The following F13A1 variants were observed in gnomAD, a reference collection of about 807,000 sequenced individuals.
The protein encoded by F13A1 is coagulation factor XIII A chain, also known as FSF, A subunit.
F13A1 carries 47 observed loss-of-function variants against 80.1 expected under a neutral mutation model. That is an observed-to-expected ratio of 0.59 (90% CI 0.46 to 0.75). F13A1 has a LOEUF of 0.75. Ranked by LOEUF, F13A1 falls within the 30% of genes least tolerant of loss-of-function variation. F13A1 has a pLI of 0.00. For missense variants in F13A1, 817 were observed against 930.4 expected, an observed-to-expected ratio of 0.88 and a Z score of 1.59; for synonymous variants, 349 against 344.9, an observed-to-expected ratio of 1.01 and a Z score of -0.13.
rs774479105 is a variant in F13A1, at chr6:6,248,357, A to G, written c.753T>C (p.Ser251=). The G allele has an allele frequency of 5.3e-5, 86 of 1,613,820 alleles. No individual in the cohort carries two copies. The Middle Eastern group carries it at 1.2e-3, about 22-fold the overall frequency. The change falls in exon 6 of 15, where the codon TCT becomes TCC. Residue 251 remains serine (S), a synonymous_variant. Transcript: ENST00000264870. ...TGACTTTGATGGGATTCCCTCTTCC[A>G]GAGAGGTCCATTTGTGCTCTGTCCA... ...YVMDRAQMDL[S]GRGNPIKVSR...
At chr6:6,268,540 C>A (rs565798976) in intron 3 of F13A1, among the ~76,000 whole-genome samples, 1 of 152,288 alleles carries the variant, frequency 6.6e-6, no homozygotes, top group East Asian at 1.9e-4. Context: ...ACTACTGGTG[C>A]AACTTCAGGC....
intron 11 of F13A1, among the ~76,000 whole-genome samples, chr6:6,177,529 A>G (rs1760902839): frequency 6.6e-6 from 1 of 152,198 alleles, no homozygotes; most frequent in African/African-American, 2.4e-5. Context: ...AGGTTTGGAG[A>G]AGCATTTTGC....
chr6:6,195,941 T>A (rs1324773755), intron 9 of F13A1, 56 bp from the exon 10 acceptor site: 5 of 1,489,272 alleles, frequency 3.4e-6, no homozygotes, highest in East Asian at 4.5e-5. Context: ...TCTGTCCAGA[T>A]ACTGCAAGAT....
chr6:6,279,333 A>C (rs1583107854), intron 3 of F13A1, among the ~76,000 whole-genome samples: 1 of 152,188 alleles, frequency 6.6e-6, no homozygotes, highest in Admixed American at 6.5e-5. Context: ...GAGAAATAGG[A>C]TGTTGGTGTC....
chr6:6,298,887 T>C (rs1259799), intron 3 of F13A1, among the ~76,000 whole-genome samples: 45,116 of 147,124 alleles, frequency 0.31, 10,287 homozygotes, highest in African/African-American at 0.57. Context: ...TGGCTGGTAC[T>C]GGTTGTTCCT....
chr6:6,206,181 T>C (rs1761485679), intron 8 of F13A1, among the ~76,000 whole-genome samples: 1 of 152,230 alleles, frequency 6.6e-6, no homozygotes, highest in Non-Finnish European at 1.5e-5. Context: ...CATTATAAAC[T>C]ATTTATGAAT....
chr6:6,207,287 C>T (rs914825245), intron 8 of F13A1, among the ~76,000 whole-genome samples: 2 of 152,222 alleles, frequency 1.3e-5, no homozygotes, highest in Non-Finnish European at 2.9e-5. Flanking sequence ...CAAATTGCCA[C>T]TGCTTAACTT....
chr6:6,295,194 G>T (rs1384107324), intron 3 of F13A1, among the ~76,000 whole-genome samples: 2 of 145,538 alleles, frequency 1.4e-5, no homozygotes, highest in Non-Finnish European at 3.0e-5. Context: ...GAATAATGCC[G>T]CAATAAACAT....
intron 10 of F13A1, among the ~76,000 whole-genome samples, chr6:6,184,970 T>G (rs1761052558): frequency 6.6e-6 from 1 of 152,122 alleles, no homozygotes; most frequent in Non-Finnish European, 1.5e-5. Context: ...ATTCTGGTTG[T>G]ACTAGGGAAT....
chr6:6,266,936 T>C, intron 3 of F13A1, 127 bp from the exon 4 acceptor site: 1 of 1,380,552 alleles, frequency 7.2e-7, no homozygotes. Flanking sequence ...TGAAGAAACA[T>C]ACAAATCAGG....
intron 2 of F13A1, among the ~76,000 whole-genome samples, chr6:6,313,091 G>T (rs1014909607): frequency 2.6e-5 from 4 of 152,148 alleles, no homozygotes; most frequent in African/African-American, 9.7e-5. Context: ...TTGCCATGGA[G>T]TGTGTTCCAG....
intron 6 of F13A1, among the ~76,000 whole-genome samples, chr6:6,236,797 A>G (rs955994931): frequency 6.6e-6 from 1 of 152,144 alleles, no homozygotes; most frequent in African/African-American, 2.4e-5. Context: ...ACCATTGGAA[A>G]TGAATTTTGA....
At chr6:6,293,452 G>C (rs1758252788) in intron 3 of F13A1, among the ~76,000 whole-genome samples, 1 of 151,976 alleles carries the variant, frequency 6.6e-6, no homozygotes, top group Non-Finnish European at 1.5e-5. Context: ...AGGTGAGAGA[G>C]AGAGAAGGCC....
chr6:6,258,516 T>A (rs1757732806), intron 4 of F13A1, among the ~76,000 whole-genome samples: 1 of 152,174 alleles, frequency 6.6e-6, no homozygotes, highest in African/African-American at 2.4e-5. Flanking sequence ...TGTCTCTGCA[T>A]TAGACACTTC....
intron 10 of F13A1, among the ~76,000 whole-genome samples, chr6:6,185,283 C>A (rs542171331): frequency 3.4e-5 from 4 of 118,726 alleles, no homozygotes; most frequent in Non-Finnish European, 6.8e-5. Flanking sequence ...CTCCCCCCTC[C>A]CCCCACCCCA....
chr6:6,154,159 A>C (rs886523852), intron 13 of F13A1, among the ~76,000 whole-genome samples: 1 of 145,294 alleles, frequency 6.9e-6, no homozygotes, highest in South Asian at 2.2e-4. Flanking sequence ...AAAAAAAAAA[A>C]AACGGCAGTC....
chr6:6,257,918 T>G (rs1331284221), intron 4 of F13A1, among the ~76,000 whole-genome samples: 1 of 152,226 alleles, frequency 6.6e-6, no homozygotes, highest in East Asian at 1.9e-4. Context: ...TTAGCACATA[T>G]CCTCTAAGGG....
chr6:6,222,498 T>C (rs1430783913), intron 7 of F13A1, among the ~76,000 whole-genome samples: 2 of 152,312 alleles, frequency 1.3e-5, no homozygotes, highest in Middle Eastern at 3.4e-3. Context: ...AATGGGACTA[T>C]GTTCCCGAAA....
intron 8 of F13A1, among the ~76,000 whole-genome samples, chr6:6,205,603 A>G (rs945859938): frequency 2.0e-5 from 3 of 152,158 alleles, no homozygotes; most frequent in African/African-American, 7.2e-5. Flanking sequence ...TATCAAGAGA[A>G]TTGTAAAGCA....
Sources: gnomAD v4.1 joint callset for allele counts (sites outside exome capture counted in the v4.1 genomes callset) on GRCh38, gnomAD v4.1.1 for gene constraint, MANE v1.5 for transcripts, NCBI Gene and HGNC (gene_info 2026-07-23, HGNC 2026-07-21) for gene names.